The following ACO1 variants were observed in gnomAD, a reference collection of about 807,000 sequenced individuals.
The protein encoded by ACO1 is cytoplasmic aconitate hydratase.
A neutral mutation model predicts 105.1 loss-of-function variants in ACO1; 78 were observed. The ratio of observed to expected loss-of-function variants is 0.74; its 90% CI spans 0.62 to 0.90. The LOEUF is 0.90. Among genes scored for constraint, ACO1 ranks in the 40% least tolerant of loss-of-function variants. ACO1 has a pLI of 0.00. For synonymous variants in ACO1, 364 were observed against 397.4 expected, an observed-to-expected ratio of 0.92 and a Z score of 1.00; for missense variants, 965 against 1,111.1, an observed-to-expected ratio of 0.87 and a Z score of 1.87.
At chr9:32,402,994 C>T (rs527402700) in intron 1 of ACO1, among the ~76,000 whole-genome samples, 5 of 152,046 alleles carry the variant, frequency 3.3e-5, no homozygotes, top group African/African-American at 1.2e-4. Flanking sequence ...GGTCTTGGGG[C>T]CCCCTGGAAA....
chr9:32,413,082 C>T (rs974243168), intron 4 of ACO1, among the ~76,000 whole-genome samples: 3 of 151,424 alleles, frequency 2.0e-5, no homozygotes, highest in Non-Finnish European at 4.4e-5. Flanking sequence ...TTTTATAGAC[C>T]TTTTTCATTT....
intron 4 of ACO1, among the ~76,000 whole-genome samples, chr9:32,412,321 T>A (rs1429587163): frequency 6.6e-6 from 1 of 152,164 alleles, no homozygotes; most frequent in Non-Finnish European, 1.5e-5. Context: ...AATTAAAAGA[T>A]TGGAAAGGGT....
intron 1 of ACO1, among the ~76,000 whole-genome samples, chr9:32,400,102 C>G (rs552501952): frequency 2.7e-5 from 4 of 150,600 alleles, no homozygotes; most frequent in African/African-American, 9.8e-5. Context: ...TCCTGAGTAG[C>G]TGGGACTCCA....
chr9:32,443,993 C>T (rs1822542405), intron 19 of ACO1, among the ~76,000 whole-genome samples: 1 of 152,104 alleles, frequency 6.6e-6, no homozygotes, highest in South Asian at 2.1e-4. Context: ...CCAACAGGCC[C>T]CAGTGTGTGA....
intron 1 of ACO1, among the ~76,000 whole-genome samples, chr9:32,392,157 A>T (rs1821280227): frequency 6.6e-6 from 1 of 152,078 alleles, no homozygotes. Context: ...TTTTAAATGC[A>T]TTTGGTTTTT....
Position 32,418,150 on chromosome 9 carries a change from C to G in ACO1, c.427C>G (p.Gln143Glu). ...CAGGGCAGACAGTTTACAGAAGAAT[C>G]AAGACCTGGAATTTGAAAGAAATAG... is the stretch of plus-strand genomic sequence containing the variant. ...NRRADSLQKN[Q>E]DLEFERNRER... The change falls in exon 5 of 21, where the codon CAA becomes GAA. Residue 143 changes from glutamine (Q) to glutamate (E), a missense_variant. Physicochemically the swap from Gln to Glu is conservative, Grantham distance 29. Transcript: ENST00000309951. The G allele has an allele frequency of 1.9e-6, 3 of 1,614,070 alleles. No homozygotes were observed. Among genetic ancestry groups the G allele is most frequent in the Non-Finnish European group, 2.5e-6 (3 of 1,179,998 alleles).
intron 17 of ACO1, among the ~76,000 whole-genome samples, chr9:32,435,587 G>A: frequency 6.6e-6 from 1 of 152,158 alleles, no homozygotes; most frequent in East Asian, 1.9e-4. Context: ...ACTGGTCACG[G>A]TGTTAATTGT....
At chr9:32,449,919 G>T (rs1167375883) in intron 20 of ACO1, 79 bp from the exon 21 acceptor site, 2 of 1,100,760 alleles carry the variant, frequency 1.8e-6, no homozygotes, top group East Asian at 2.4e-5. Flanking sequence ...CACCTGAGGG[G>T]CAGGCTGGGC....
At chr9:32,408,979 G>A (rs949921264) in intron 4 of ACO1, among the ~76,000 whole-genome samples, 1 of 152,138 alleles carries the variant, frequency 6.6e-6, no homozygotes, top group Non-Finnish European at 1.5e-5. Flanking sequence ...GCAAGTATAT[G>A]TTTGAGCTTT....
intron 19 of ACO1, among the ~76,000 whole-genome samples, chr9:32,441,575 T>G (rs1026456251): frequency 2.7e-5 from 4 of 150,792 alleles, no homozygotes; most frequent in Non-Finnish European, 5.9e-5. Context: ...TAGTTGATAG[T>G]AGGTCAAAGG....
Position 32,450,114 on chromosome 9 carries a change from G to T in ACO1, c.*3G>T. 6.2e-7 allele frequency: 1 copy of T among 1,610,862 alleles called. No individual in the cohort carries two copies. Among genetic ancestry groups the T allele is most frequent in the Non-Finnish European group, 8.5e-7 (1 of 1,177,738 alleles). ...TGATCCGCAAGATGGCCAAGTAGGA[G>T]ACGTGCACTTGGTGCTGCGCCCAGG... On this transcript the variant is annotated 3_prime_UTR_variant, in exon 21 of 21. Transcript: ENST00000309951.
intron 4 of ACO1, among the ~76,000 whole-genome samples, chr9:32,415,581 T>TGGAG (rs1386979056): frequency 2.6e-5 from 4 of 152,246 alleles, no homozygotes; most frequent in Admixed American, 1.3e-4. Context: ...ACTGGAGTGA[T>TGGAG]GGAGCCCTCA....
chr9:32,427,152 A>G lies in ACO1; in HGVS notation c.1349-149A>G. ...AGCCTTTAGATTTCTGTTTGGCAGC[A>G]GAAACAGCAGATAGCGCCAACATGA... On this transcript the variant is annotated intron_variant, in intron 11 of 20. Coordinates refer to ENST00000309951, the MANE Select transcript of ACO1 (RefSeq NM_002197.3). 3 of 970,430 alleles carry G rather than the reference A, an allele frequency of 3.1e-6. No individual in the cohort carries two copies. In the East Asian group the frequency reaches 8.0e-5, roughly 26 times the overall value. The allele number at this position is 970,430 out of a possible 1,614,324, so 60.1% of individuals were successfully genotyped here. A position where few individuals can be genotyped will look rare whatever the true frequency, so the allele number is the denominator to read the frequency against.
intron 11 of ACO1, among the ~76,000 whole-genome samples, 196 bp downstream of exon 11, chr9:32,426,193 C>A (rs936577549): frequency 2.0e-5 from 3 of 152,194 alleles, no homozygotes; most frequent in Admixed American, 1.3e-4. Flanking sequence ...ATCGAATGCA[C>A]ACTGCATAAT....
intron 19 of ACO1, among the ~76,000 whole-genome samples, chr9:32,442,275 C>T (rs1000000383): frequency 6.6e-6 from 1 of 151,978 alleles, no homozygotes; most frequent in African/African-American, 2.4e-5. Flanking sequence ...TCACTAGCCC[C>T]CTCCCACCCC....
rs375980125 is a variant in ACO1 at position 32,448,908 on chromosome 9, G to T, written c.2383G>T (p.Val795Phe). The change falls in exon 20 of 21, where the codon GTC (valine) becomes TTC (phenylalanine). Residue 795 changes from valine to phenylalanine, a missense_variant. Physicochemically the swap from Val to Phe is conservative, Grantham distance 50. Coordinates refer to ENST00000309951, the MANE Select transcript of ACO1 (RefSeq NM_002197.3). Reference sequence around the variant, plus strand: ...CTTTATTCATCAGGGAATCAAAGCCGTCCTGGCCGAGAGCTACGAGCGCAT... The same window carrying T: ...CTTTATTCATCAGGGAATCAAAGCCTTCCTGGCCGAGAGCTACGAGCGCAT... ...KGPFLLGIKA[V>F]LAESYERIHR... The T allele has an allele frequency of 3.1e-6, 5 of 1,614,216 alleles. No homozygotes were observed. The highest frequency in any genetic ancestry group is 4.2e-6 in the Non-Finnish European group (5 of 1,180,036).
At position 32,422,761 on chromosome 9, in the gene ACO1, G is replaced by A. The variant is rs564586917; in HGVS notation, c.971-558G>A. On this transcript the variant is annotated intron_variant, in intron 8 of 20. Coordinates refer to ENST00000309951, the MANE Select transcript of ACO1 (RefSeq NM_002197.3). Reference sequence around the variant, plus strand: ...GAAAGTTACTTAGTCTTCTTGAGCCGCCATTTCCTTATCCATAAATGAGAA... The same window carrying A: ...GAAAGTTACTTAGTCTTCTTGAGCCACCATTTCCTTATCCATAAATGAGAA... Among the ~76,000 whole-genome samples, 8 of 152,210 alleles carry A rather than the reference G, an allele frequency of 5.3e-5. No homozygotes were observed. The South Asian group carries it at 8.3e-4, about 16-fold the overall frequency.
At chr9:32,407,505 A>G (rs971980362) in intron 3 of ACO1, 76 bp downstream of exon 3, 67 of 1,377,932 alleles carry the variant, frequency 4.9e-5, no homozygotes, top group Non-Finnish European at 6.1e-5. Flanking sequence ...AAACAAATGA[A>G]AACACTCTGC....
rs1177623895 is a variant in ACO1 at position 32,427,554 on chromosome 9, T to C, written c.1484+118T>C. 1.8e-5 allele frequency: 26 copies of C among 1,407,640 alleles called. 1 individual carries two copies. The Admixed American group carries it at 4.7e-4, about 25-fold the overall frequency. The allele number at this position is 1,407,640 out of a possible 1,614,324, so 87.2% of individuals were successfully genotyped here. A position where few individuals can be genotyped will look rare whatever the true frequency, so the allele number is the denominator to read the frequency against. On this transcript the variant is annotated intron_variant, in intron 12 of 20. Transcript: ENST00000309951. Reference sequence around the variant, plus strand: ...CTGATGATATCTAATTGCATAGTCGTTTATCAGTTGGTAGTTAGACTTAAA... The same window carrying C: ...CTGATGATATCTAATTGCATAGTCGCTTATCAGTTGGTAGTTAGACTTAAA...
Sources: allele counts gnomAD v4.1 joint callset (sites outside exome capture counted in the v4.1 genomes callset), GRCh38; gene constraint gnomAD v4.1.1; transcripts MANE v1.5; gene names NCBI Gene and HGNC (gene_info 2026-07-23, HGNC 2026-07-21).